The following TBCA variants were observed in gnomAD, a reference collection of about 807,000 sequenced individuals.
The protein encoded by TBCA is tubulin-specific chaperone A.
A neutral mutation model predicts 15.8 loss-of-function variants in TBCA; 6 were observed. The ratio of observed to expected loss-of-function variants is 0.38; its 90% CI spans 0.21 to 0.75. The LOEUF (loss-of-function observed/expected upper bound fraction) is 0.75. TBCA is among the 30% of genes least tolerant of loss of function. The pLI, the probability that TBCA is intolerant of heterozygous loss-of-function variation, is 0.46. For synonymous variants in TBCA, 32 were observed against 42.3 expected, an observed-to-expected ratio of 0.76 and a Z score of 0.94; for missense variants, 90 against 131.2, an observed-to-expected ratio of 0.69 and a Z score of 1.53.
chr5:77,757,917 G>A (rs1228247336), intron 1 of TBCA, among the ~76,000 whole-genome samples: 3 of 152,184 alleles, frequency 2.0e-5, no homozygotes, highest in Non-Finnish European at 4.4e-5. Context: ...TATGTTAGGG[G>A]TGGCAAATCT....
intron 1 of TBCA, among the ~76,000 whole-genome samples, chr5:77,724,672 A>G (rs1409913904): frequency 2.0e-5 from 3 of 152,148 alleles, no homozygotes; most frequent in African/African-American, 7.2e-5. Context: ...GAAATGGCAA[A>G]AGCTACTAGA....
intron 1 of TBCA, among the ~76,000 whole-genome samples, chr5:77,773,320 T>C (rs978749134): frequency 2.1e-5 from 3 of 144,666 alleles, no homozygotes; most frequent in Non-Finnish European, 4.5e-5. Context: ...CACTAACTAG[T>C]AGTGTGACTT....
intron 1 of TBCA, among the ~76,000 whole-genome samples, chr5:77,739,578 G>GTT (rs1042785778): frequency 1.3e-5 from 2 of 152,154 alleles, no homozygotes; most frequent in Non-Finnish European, 2.9e-5. Flanking sequence ...TTAAAAATCA[G>GTT]TTTTTAAACA....
rs16874551 is a variant in TBCA, at chr5:77,718,725, T to G, written c.54-10378A>C. On this transcript the variant is annotated intron_variant, in intron 1 of 3. Coordinates refer to ENST00000380377, the MANE Select transcript of TBCA (RefSeq NM_004607.3). Reference sequence around the variant, plus strand: ...AACTAAGGAAGAACCTGCTACAGTATCCTCTCCTAACAAAACTTAAAATAA... The same window carrying G: ...AACTAAGGAAGAACCTGCTACAGTAGCCTCTCCTAACAAAACTTAAAATAA... Among the ~76,000 whole-genome samples, 1,204 of 152,232 alleles carry G rather than the reference T, an allele frequency of 7.9e-3. 84 individuals carry two copies. The East Asian group carries it at 0.17, about 22-fold the overall frequency.
rs1020209564 is a variant in TBCA, at chr5:77,729,230, C to T, written c.54-20883G>A. Among the ~76,000 whole-genome samples the T allele has an allele frequency of 1.1e-4, 16 of 152,074 alleles. No homozygotes were observed. In the East Asian group the frequency reaches 3.1e-3, roughly 30 times the overall value. On this transcript the variant is annotated intron_variant, in intron 1 of 3. Coordinates refer to ENST00000380377, the MANE Select transcript of TBCA (RefSeq NM_004607.3). The stretch of plus-strand genomic sequence containing the variant: ...TCGGGAGGCTAAGGCAGGAGAATCG[C>T]TTGAACCTGGGAGGAAGAGGTTGCA...
chr5:77,720,946 T>G (rs2112455642), intron 1 of TBCA, among the ~76,000 whole-genome samples: 1 of 152,328 alleles, frequency 6.6e-6, no homozygotes, highest in African/African-American at 2.4e-5. Flanking sequence ...ATATCCAACA[T>G]CATCACTCTA....
At chr5:77,755,170 G>A (rs1019501226) in intron 1 of TBCA, among the ~76,000 whole-genome samples, 3 of 152,204 alleles carry the variant, frequency 2.0e-5, no homozygotes, top group African/African-American at 7.2e-5. Context: ...AGTAGCAGCA[G>A]ACTTAAAGCA....
intron 1 of TBCA, among the ~76,000 whole-genome samples, chr5:77,741,170 T>G (rs1747021148): frequency 6.6e-6 from 1 of 152,144 alleles, no homozygotes; most frequent in African/African-American, 2.4e-5. Flanking sequence ...GGTTAAGAAG[T>G]GACTAGGAGG....
chr5:77,747,255 T>C (rs1381730918), intron 1 of TBCA, among the ~76,000 whole-genome samples: 1 of 152,106 alleles, frequency 6.6e-6, no homozygotes, highest in Non-Finnish European at 1.5e-5. Flanking sequence ...ACTATGTGAT[T>C]GAAAAAAATC....
chr5:77,697,667 T>C (rs1745902168), intron 2 of TBCA, among the ~76,000 whole-genome samples: 1 of 151,990 alleles, frequency 6.6e-6, no homozygotes, highest in African/African-American at 2.4e-5. Context: ...AAAGGAAAGG[T>C]CTGAAATTAA....
chr5:77,701,501 A>G (rs1746012446), intron 2 of TBCA, among the ~76,000 whole-genome samples: 2 of 151,884 alleles, frequency 1.3e-5, no homozygotes, highest in African/African-American at 4.8e-5. Flanking sequence ...GATTCCTTAA[A>G]GAACTAAAAG....
intron 1 of TBCA, among the ~76,000 whole-genome samples, chr5:77,721,666 T>C (rs995932723): frequency 2.6e-5 from 4 of 152,138 alleles, no homozygotes; most frequent in African/African-American, 9.6e-5. Flanking sequence ...AACTGCTTAA[T>C]TACTTTTAAA....
At chr5:77,732,996 G>A (rs1370848670) in intron 1 of TBCA, among the ~76,000 whole-genome samples, 5 of 152,156 alleles carry the variant, frequency 3.3e-5, no homozygotes, top group Non-Finnish European at 4.4e-5. Flanking sequence ...AGTTAGAAAC[G>A]ATTGGCCAAG....
At position 77,726,958 on chromosome 5, in the gene TBCA, C is replaced by A. The variant is rs1746642045; in HGVS notation, c.54-18611G>T. Among the ~76,000 whole-genome samples the A allele has an allele frequency of 4.6e-5, 7 of 152,026 alleles. 1 individual carries two copies. In the South Asian group the frequency reaches 1.5e-3, roughly 32 times the overall value. On this transcript the variant is annotated intron_variant, in intron 1 of 3. Transcript: ENST00000380377. Reference sequence around the variant, plus strand: ...GTTATGGTATTTCAAGAATTGTTAGCCCAGATGTTGAATATTTTTAAGGTT... The same window carrying A: ...GTTATGGTATTTCAAGAATTGTTAGACCAGATGTTGAATATTTTTAAGGTT...
At chr5:77,692,394 T>C in intron 3 of TBCA, 1 of 983,314 alleles carries the variant, frequency 1.0e-6, no homozygotes, top group Non-Finnish European at 1.2e-6. Flanking sequence ...GGCAGAGATA[T>C]TGTTGAATAC....
intron 1 of TBCA, among the ~76,000 whole-genome samples, chr5:77,770,332 T>G (rs908759953): frequency 1.3e-5 from 2 of 152,244 alleles, no homozygotes; most frequent in African/African-American, 4.8e-5. Flanking sequence ...ATTTACACCA[T>G]GCACTTAAGT....
intron 1 of TBCA, among the ~76,000 whole-genome samples, chr5:77,744,531 C>CAT (rs145894415): frequency 2.4e-5 from 2 of 82,968 alleles, no homozygotes; most frequent in Non-Finnish European, 4.3e-5. Context: ...TCTTATTCAC[C>CAT]TTTTTTTTTT....
intron 1 of TBCA, among the ~76,000 whole-genome samples, chr5:77,759,566 G>A (rs1001269632): frequency 6.6e-6 from 1 of 152,152 alleles, no homozygotes; most frequent in African/African-American, 2.4e-5. Context: ...CAAAGCAAGA[G>A]ATAAAAAATT....
chr5:77,724,828 A>C (rs1218354680), intron 1 of TBCA, among the ~76,000 whole-genome samples: 1 of 152,222 alleles, frequency 6.6e-6, no homozygotes, highest in Non-Finnish European at 1.5e-5. Context: ...ACTAGAGTGT[A>C]CATTTCTAGG....
Sources: gnomAD v4.1 joint callset for allele counts (sites outside exome capture counted in the v4.1 genomes callset) on GRCh38, gnomAD v4.1.1 for gene constraint, MANE v1.5 for transcripts, NCBI Gene and HGNC (gene_info 2026-07-23, HGNC 2026-07-21) for gene names.